The following OR1J2 variants were observed in gnomAD, a reference collection of about 807,000 sequenced individuals.
The protein encoded by OR1J2 is olfactory receptor family 1 subfamily J member 2.
For synonymous variants in OR1J2, 142 were observed against 99.7 expected, an observed-to-expected ratio of 1.42 and a Z score of -2.52; for missense variants, 304 against 246.1, an observed-to-expected ratio of 1.24 and a Z score of -1.57.
At chr9:122,496,145 G>C in the OR1J2 span, among the ~76,000 whole-genome samples, 1 of 152,174 alleles carries the variant, frequency 6.6e-6, no homozygotes, top group Admixed American at 6.5e-5. Flanking sequence ...TATTTAGTGT[G>C]TTGGTTTTGT....
the OR1J2 span, among the ~76,000 whole-genome samples, chr9:122,522,583 ATGTGTG>A: frequency 2.0e-5 from 3 of 150,742 alleles, no homozygotes; most frequent in Admixed American, 6.6e-5. Flanking sequence ...AACTGTGTGC[ATGTGTG>A]TGTGTGTGTG....
At chr9:122,519,746 G>GTGTC in the OR1J2 span, 5 of 1,614,096 alleles carry the variant, frequency 3.1e-6, no homozygotes, top group African/African-American at 6.7e-5. Context: ...TTTTCACAGT[G>GTGTC]GGACAGGCAG....
chr9:122,554,898 C>A, the OR1J2 span, among the ~76,000 whole-genome samples: 15 of 152,244 alleles, frequency 9.9e-5, no homozygotes, highest in South Asian at 4.1e-4. Flanking sequence ...TCTCTGAATT[C>A]TTTCATAAAA....
At chr9:122,555,738 T>A in the OR1J2 span, among the ~76,000 whole-genome samples, 1 of 152,154 alleles carries the variant, frequency 6.6e-6, no homozygotes, top group Non-Finnish European at 1.5e-5. Context: ...ACTTTACTCT[T>A]TTAGAGCTGT....
downstream of OR1J2, among the ~76,000 whole-genome samples, chr9:122,512,602 T>G (rs1828653497): frequency 2.6e-5 from 4 of 152,204 alleles, no homozygotes; most frequent in Admixed American, 2.6e-4. Context: ...ATGTTGATAT[T>G]TTTGGATTAA....
At chr9:122,538,895 GA>G in the OR1J2 span, among the ~76,000 whole-genome samples, 3 of 152,130 alleles carry the variant, frequency 2.0e-5, no homozygotes, top group Non-Finnish European at 4.4e-5. Flanking sequence ...AGGGAGACAA[GA>G]GTTGAAAAAC....
chr9:122,542,845 A>G, the OR1J2 span, among the ~76,000 whole-genome samples: 7 of 152,332 alleles, frequency 4.6e-5, no homozygotes, highest in African/African-American at 1.7e-4. Flanking sequence ...TGCTTTTCCC[A>G]GAGTCAAATT....
the OR1J2 span, among the ~76,000 whole-genome samples, chr9:122,543,815 C>G: frequency 1.3e-5 from 2 of 152,152 alleles, no homozygotes; most frequent in South Asian, 2.1e-4. Context: ...TCTTAGCCGT[C>G]GAGGAGACAT....
chr9:122,512,836 TA>T (rs1308113480), downstream of OR1J2, among the ~76,000 whole-genome samples: 2 of 152,224 alleles, frequency 1.3e-5, no homozygotes, highest in Non-Finnish European at 2.9e-5. Flanking sequence ...GTAACTTTTC[TA>T]ATGTCACTCA....
the OR1J2 span, among the ~76,000 whole-genome samples, chr9:122,458,513 C>T: frequency 1.3e-5 from 2 of 152,214 alleles, no homozygotes; most frequent in East Asian, 3.8e-4. Flanking sequence ...GCTTCACAAT[C>T]GTGGTGGAAG....
chr9:122,456,048 C>G, the OR1J2 span, among the ~76,000 whole-genome samples: 2 of 152,136 alleles, frequency 1.3e-5, no homozygotes, highest in Non-Finnish European at 2.9e-5. Context: ...TTCAGTTGAT[C>G]TAGTTATTTA....
the OR1J2 span, among the ~76,000 whole-genome samples, chr9:122,523,595 G>T: frequency 6.6e-6 from 1 of 152,166 alleles, no homozygotes; most frequent in Non-Finnish European, 1.5e-5. Context: ...AGATAGAGAA[G>T]AGAATACTCT....
chr9:122,567,635 C>T, the OR1J2 span: 1 of 1,613,970 alleles, frequency 6.2e-7, no homozygotes, highest in Non-Finnish European at 8.5e-7. Context: ...GCATGGATGA[C>T]AAAACTGTGT....
chr9:122,527,224 A>T, the OR1J2 span: 38 of 1,613,910 alleles, frequency 2.4e-5, no homozygotes, highest in African/African-American at 4.7e-4. Flanking sequence ...CCGAAGAGGG[A>T]CTGCTGTTGC....
chr9:122,519,386 A>G, the OR1J2 span: 1 of 1,614,074 alleles, frequency 6.2e-7, no homozygotes, highest in African/African-American at 1.3e-5. Flanking sequence ...CAAAGATGTT[A>G]TTAAGCATGC....
chr9:122,544,156 AAATT>A, the OR1J2 span, among the ~76,000 whole-genome samples: 2 of 152,062 alleles, frequency 1.3e-5, no homozygotes, highest in African/African-American at 2.4e-5. Flanking sequence ...AATAATGAAT[AAATT>A]AAAATTTTAC....
chr9:122,576,791 TC>T, the OR1J2 span: 1 of 152,196 alleles, frequency 6.6e-6, no homozygotes, highest in Admixed American at 6.5e-5. Context: ...TGCAGAGGCT[TC>T]TGTTTGTGGG....
At chr9:122,520,110 T>G in the OR1J2 span, 4 of 1,519,180 alleles carry the variant, frequency 2.6e-6, no homozygotes, top group Non-Finnish European at 3.6e-6. Context: ...AACAGACATA[T>G]GTACTGACCT....
At chr9:122,567,500 G>T in the OR1J2 span, 3 of 1,371,270 alleles carry the variant, frequency 2.2e-6, no homozygotes, top group Non-Finnish European at 3.0e-6. Context: ...TAGAAAACAC[G>T]TCCAAGTTGA....
Sources: gnomAD v4.1 joint callset for allele counts (sites outside exome capture counted in the v4.1 genomes callset) on GRCh38, gnomAD v4.1.1 for gene constraint, MANE v1.5 for transcripts, NCBI Gene and HGNC (gene_info 2026-07-23, HGNC 2026-07-21) for gene names.